Variants in CD2AP observed in about 807,000 individuals in gnomAD.
CD2AP encodes the protein CD2 associated protein, also known as CD2-associated protein.
CD2AP carries 46 observed loss-of-function variants against 85.1 expected under a neutral mutation model. The observed-to-expected ratio is 0.54, with a 90% confidence interval of 0.43 to 0.69. The LOEUF (loss-of-function observed/expected upper bound fraction) is 0.69. Among genes scored for constraint, CD2AP ranks in the 30% least tolerant of loss-of-function variants. CD2AP has a pLI of 0.00. For missense variants in CD2AP, 769 were observed against 729.5 expected, an observed-to-expected ratio of 1.05 and a Z score of -0.62; for synonymous variants, 255 against 252.9, an observed-to-expected ratio of 1.01 and a Z score of -0.08.
chr6:47,596,619 ATTC>A (rs1768958842), intron 12 of CD2AP, among the ~76,000 whole-genome samples: 1 of 151,938 alleles, frequency 6.6e-6, no homozygotes, highest in South Asian at 2.1e-4. Context: ...GCTGAATGGT[ATTC>A]TTTGTGTATA....
At chr6:47,565,669 T>C (rs1767973417) in intron 5 of CD2AP, among the ~76,000 whole-genome samples, 1 of 152,178 alleles carries the variant, frequency 6.6e-6, no homozygotes, top group Non-Finnish European at 1.5e-5. Flanking sequence ...ATTTCTCTTG[T>C]ACTCTTCTTT....
intron 6 of CD2AP, among the ~76,000 whole-genome samples, chr6:47,575,134 A>G (rs534952048): frequency 6.6e-6 from 1 of 152,138 alleles, no homozygotes; most frequent in South Asian, 2.1e-4. Flanking sequence ...TCCACTTTCT[A>G]TCCTACATAT....
At chr6:47,494,971 G>A (rs1765822009) in intron 1 of CD2AP, among the ~76,000 whole-genome samples, 1 of 152,066 alleles carries the variant, frequency 6.6e-6, no homozygotes, top group Admixed American at 6.6e-5. Flanking sequence ...ACAAGTCTGG[G>A]CAGTATAATG....
At position 47,609,119 on chromosome 6, in the gene CD2AP, T is replaced by A; in HGVS notation, c.1633-4T>A. The A allele has an allele frequency of 6.3e-7, 1 of 1,592,514 alleles. No homozygotes were observed. Among genetic ancestry groups the A allele is most frequent in the Non-Finnish European group, 8.5e-7 (1 of 1,171,758 alleles). On this transcript the variant is annotated splice_region_variant and splice_polypyrimidine_tract_variant and intron_variant, in intron 15 of 17. Transcript: ENST00000359314. ...AATCAGAAATTTTTTTTTTACGTTTTCAGCCATCTGTGTACCTTTCAACAC... is the reference window on the plus strand; with the variant it reads ...AATCAGAAATTTTTTTTTTACGTTTACAGCCATCTGTGTACCTTTCAACAC...
rs1220020518 is a variant in CD2AP at position 47,595,986 on chromosome 6, C to T, written c.1234C>T (p.Arg412Ter). The change falls in exon 12 of 18, where the codon CGA becomes TGA. Residue 412 changes from arginine (R) to a stop codon, truncating the protein, a stop_gained. Transcript: ENST00000359314. LOFTEE classifies it high-confidence loss of function. ...ATCTTCTGGAACAGTGTACCCAAAGCGACCTGAAAAACCAGTTCCTCCACC... is the reference window on the plus strand; with the variant it reads ...ATCTTCTGGAACAGTGTACCCAAAGTGACCTGAAAAACCAGTTCCTCCACC... ...LRSSGTVYPK[R>*]PEKPVPPPPP... 6 of 1,612,734 alleles carry T rather than the reference C, an allele frequency of 3.7e-6. No individual in the cohort carries two copies. Among genetic ancestry groups the T allele is most frequent in the South Asian group, 1.1e-5 (1 of 91,044 alleles).
rs1052284513 is a variant in CD2AP at position 47,626,067 on chromosome 6, G to A, written c.*1840G>A. On this transcript the variant is annotated 3_prime_UTR_variant, in exon 18 of 18. Transcript: ENST00000359314. ...AAATTATCCTCCAGCTTTCTCACCT[G>A]AAAATCTATTGAAGTGATCCCTGGT... 1.3e-5 allele frequency: 2 copies of A among 151,882 alleles called. No individual in the cohort carries two copies. Among genetic ancestry groups the A allele is most frequent in the Non-Finnish European group, 2.9e-5 (2 of 67,800 alleles). 9.4% of individuals were successfully genotyped at this position (151,882 alleles called of 1,614,324 possible).
chr6:47,610,667 A>G (rs1769403259), intron 16 of CD2AP, among the ~76,000 whole-genome samples: 1 of 151,780 alleles, frequency 6.6e-6, no homozygotes, highest in African/African-American at 2.4e-5. Context: ...TATATTATGT[A>G]TATAGAGGAG....
intron 11 of CD2AP, among the ~76,000 whole-genome samples, chr6:47,589,639 A>G (rs564955347): frequency 9.3e-5 from 14 of 151,246 alleles, no homozygotes; most frequent in Non-Finnish European, 2.1e-4. Context: ...GAATCATAAG[A>G]TCAAGATAGA....
At chr6:47,507,470 T>C (rs1162720243) in intron 2 of CD2AP, among the ~76,000 whole-genome samples, 1 of 144,904 alleles carries the variant, frequency 6.9e-6, no homozygotes, top group Non-Finnish European at 1.5e-5. Context: ...CCTTACGAAA[T>C]GTGGGCTGGA....
chr6:47,488,760 A>T (rs956870957), intron 1 of CD2AP, among the ~76,000 whole-genome samples: 1 of 150,076 alleles, frequency 6.7e-6, no homozygotes, highest in Non-Finnish European at 1.5e-5. Context: ...GTGTGGTGGC[A>T]TACCCCTGTA....
chr6:47,533,794 A>G (rs1182616174), intron 3 of CD2AP, 39 bp downstream of exon 3: 3 of 1,594,842 alleles, frequency 1.9e-6, no homozygotes, highest in South Asian at 1.1e-5. Flanking sequence ...TTACATCAAA[A>G]TAGAAGGATA....
chr6:47,491,533 G>T (rs949970251), intron 1 of CD2AP, among the ~76,000 whole-genome samples: 15 of 152,072 alleles, frequency 9.9e-5, no homozygotes, highest in Admixed American at 7.9e-4. Context: ...GACTCAGTTA[G>T]ATGCCATTGT....
rs1288940714 is a variant in CD2AP, at chr6:47,554,740, A to G, written c.515A>G (p.Glu172Gly). The change falls in exon 5 of 18, where the codon GAA becomes GGA. Residue 172 changes from glutamate to glycine, a missense_variant. Physicochemically the swap from Glu to Gly is moderately conservative, Grantham distance 98. Transcript: ENST00000359314. ...GAATTAGAGGTAACAGATGATGGTGAAACTCATGAAGCCCAGGACGATTCA... is the reference window on the plus strand; with the variant it reads ...GAATTAGAGGTAACAGATGATGGTGGAACTCATGAAGCCCAGGACGATTCA... The part of the protein sequence containing the change: ...VKELEVTDDG[E>G]THEAQDDSET... 6.2e-7 allele frequency: 1 copy of G among 1,613,616 alleles called. No individual in the cohort carries two copies. Among genetic ancestry groups the G allele is most frequent in the African/African-American group, 1.3e-5 (1 of 75,036 alleles).
At chr6:47,608,194 G>A (rs1160242392) in intron 15 of CD2AP, among the ~76,000 whole-genome samples, 166 bp downstream of exon 15, 1 of 152,044 alleles carries the variant, frequency 6.6e-6, no homozygotes, top group Non-Finnish European at 1.5e-5. Context: ...ACTATTTTCT[G>A]CAAATGTTTT....
At chr6:47,500,043 A>G (rs1263719904) in intron 1 of CD2AP, among the ~76,000 whole-genome samples, 1 of 152,104 alleles carries the variant, frequency 6.6e-6, no homozygotes, top group Admixed American at 6.5e-5. Flanking sequence ...TAAGAATTTT[A>G]TTTTGGAATT....
rs934522856 is a variant in CD2AP, at chr6:47,513,226, A to G, written c.165+9786A>G. 2.6e-5 allele frequency among the ~76,000 whole-genome samples: 4 copies of G among 150,982 alleles called. No homozygotes were observed. In the East Asian group the frequency reaches 7.8e-4, roughly 29 times the overall value. ...CTCAAAGTTTACAGTTCTGGCATTGAGGGCTCTTAAATCCTGGTGCTCACT... is the reference window on the plus strand; with the variant it reads ...CTCAAAGTTTACAGTTCTGGCATTGGGGGCTCTTAAATCCTGGTGCTCACT... On this transcript the variant is annotated intron_variant, in intron 2 of 17. Transcript: ENST00000359314.
At chr6:47,577,136 AATTT>A in intron 8 of CD2AP, 33 bp downstream of exon 8, 1 of 1,070,780 alleles carries the variant, frequency 9.3e-7, no homozygotes, top group Non-Finnish European at 1.5e-6. Flanking sequence ...TGAATTGCTT[AATTT>A]ATTTATAGAA....
intron 2 of CD2AP, among the ~76,000 whole-genome samples, chr6:47,519,041 C>T (rs12202080): frequency 4.0e-3 from 608 of 152,250 alleles, no homozygotes; most frequent in Non-Finnish European, 7.2e-3. Context: ...AGGTTCCTTG[C>T]GCTAGGACTT....
chr6:47,590,912 A>G (rs1768775249), intron 11 of CD2AP, among the ~76,000 whole-genome samples: 1 of 152,174 alleles, frequency 6.6e-6, no homozygotes, highest in South Asian at 2.1e-4. Context: ...GAAGACACAC[A>G]AAAAAATGGA....
Sources: gnomAD v4.1 joint callset for allele counts (sites outside exome capture counted in the v4.1 genomes callset) on GRCh38, gnomAD v4.1.1 for gene constraint, MANE v1.5 for transcripts, NCBI Gene and HGNC (gene_info 2026-07-23, HGNC 2026-07-21) for gene names.